The following BRD7 variants were observed in gnomAD, a reference collection of about 807,000 sequenced individuals.
BRD7 encodes bromodomain-containing protein 7.
BRD7 carries 15 observed loss-of-function variants against 82.1 expected under a neutral mutation model. That is an observed-to-expected ratio of 0.18 (90% CI 0.12 to 0.28). The LOEUF (loss-of-function observed/expected upper bound fraction) is 0.28. Ranked by LOEUF, BRD7 falls within the 10% of genes least tolerant of loss-of-function variation. The pLI is 1.00. For synonymous variants in BRD7, 232 were observed against 266.9 expected, an observed-to-expected ratio of 0.87 and a Z score of 1.27; for missense variants, 638 against 779.9, an observed-to-expected ratio of 0.82 and a Z score of 2.17.
rs1333547428 is a variant in BRD7 at position 50,333,715 on chromosome 16, T to C, written c.888-18A>G. 4 of 1,354,686 alleles carry C rather than the reference T, an allele frequency of 3.0e-6. No homozygotes were observed. The South Asian group carries it at 5.1e-5, about 17-fold the overall frequency. The allele number at this position is 1,354,686 out of a possible 1,614,324, so 83.9% of individuals were successfully genotyped here. ...TGTCTTTCCTGAAAATATACATTAA[T>C]ACTAAGTAAAAAAAAAACAAAGATA... On this transcript the variant is annotated intron_variant, in intron 7 of 16. Coordinates refer to ENST00000394688, the MANE Select transcript of BRD7 (RefSeq NM_013263.5).
At chr16:50,360,486 C>T (rs2038896979) in intron 2 of BRD7, among the ~76,000 whole-genome samples, 1 of 152,196 alleles carries the variant, frequency 6.6e-6, no homozygotes, top group Non-Finnish European at 1.5e-5. Context: ...AGGCTGAAAA[C>T]AGCATTTGCT....
At chr16:50,352,060 C>G (rs1353700011) in intron 4 of BRD7, among the ~76,000 whole-genome samples, 1 of 152,186 alleles carries the variant, frequency 6.6e-6, no homozygotes, top group Non-Finnish European at 1.5e-5. Context: ...TACCTGCTGA[C>G]CAACCTCTAC....
intron 13 of BRD7, among the ~76,000 whole-genome samples, chr16:50,321,152 C>T (rs984774898): frequency 7.2e-5 from 11 of 152,194 alleles, no homozygotes; most frequent in Admixed American, 7.2e-4. Context: ...AAGACTATTT[C>T]ATATTTCAGT....
At chr16:50,337,987 G>A (rs183091341) in intron 6 of BRD7, among the ~76,000 whole-genome samples, 7 of 152,160 alleles carry the variant, frequency 4.6e-5, no homozygotes, top group Admixed American at 4.6e-4. Context: ...TAAAATTCAA[G>A]AGATAATGGA....
Position 50,319,020 on chromosome 16 carries a change from C to T in BRD7, c.*191G>A. The T allele has an allele frequency of 1.7e-6, 1 of 583,412 alleles. No individual in the cohort carries two copies. 36.1% of individuals were successfully genotyped at this position (583,412 alleles called of 1,614,324 possible). On this transcript the variant is annotated 3_prime_UTR_variant, in exon 17 of 17. Transcript: ENST00000394688. Reference sequence around the variant, plus strand: ...ACAGGTATGGCAACAGCCCCAAGCACATTCCTTCCTCACGAGTCCCAGGTC... The same window carrying T: ...ACAGGTATGGCAACAGCCCCAAGCATATTCCTTCCTCACGAGTCCCAGGTC...
intron 6 of BRD7, among the ~76,000 whole-genome samples, chr16:50,338,675 T>C (rs2037919187): frequency 6.6e-6 from 1 of 152,210 alleles, no homozygotes; most frequent in African/African-American, 2.4e-5. Flanking sequence ...TAGTATCCTC[T>C]CTACTCTACC....
intron 2 of BRD7, among the ~76,000 whole-genome samples, chr16:50,364,951 G>C (rs1194839424): frequency 6.6e-6 from 1 of 152,194 alleles, no homozygotes; most frequent in African/African-American, 2.4e-5. Flanking sequence ...ACGATGGCCG[G>C]AACAAAGAGC....
Position 50,357,603 on chromosome 16 carries a change from C to T in BRD7, c.259-2681G>A, listed in dbSNP as rs562665517. On this transcript the variant is annotated intron_variant, in intron 2 of 16. Coordinates refer to ENST00000394688, the MANE Select transcript of BRD7 (RefSeq NM_013263.5). ...TGTGAAGAAAGGACAGCTTGAGAGGCAGTATGCATTCTCCCAGGTAGAAAA... is the reference window on the plus strand; with the variant it reads ...TGTGAAGAAAGGACAGCTTGAGAGGTAGTATGCATTCTCCCAGGTAGAAAA... Among the ~76,000 whole-genome samples, 4 of 152,190 alleles carry T rather than the reference C, an allele frequency of 2.6e-5. No individual in the cohort carries two copies. The East Asian group carries it at 7.7e-4, about 29-fold the overall frequency.
Position 50,368,787 on chromosome 16 carries a change from C to T in BRD7, c.-13G>A. On this transcript the variant is annotated 5_prime_UTR_variant, in exon 1 of 17. Transcript: ENST00000394688. ...GCTTCTTGCCCATGTCCGACCGGGC[C>T]CCGGTGCCCGCCCCCCGCGCCAGGC... 6.5e-7 allele frequency: 1 copy of T among 1,526,776 alleles called. No homozygotes were observed. Among genetic ancestry groups the T allele is most frequent in the African/African-American group, 1.4e-5 (1 of 69,196 alleles). 94.6% of individuals were successfully genotyped at this position (1,526,776 alleles called of 1,614,324 possible).
intron 4 of BRD7, 90 bp downstream of exon 4, chr16:50,354,335 T>C (rs1663510127): frequency 1.9e-6 from 2 of 1,079,854 alleles, no homozygotes; most frequent in African/African-American, 3.2e-5. Flanking sequence ...TAAAATCACG[T>C]ATGTTTGGAG....
chr16:50,324,168 C>T (rs1050613002), intron 11 of BRD7, among the ~76,000 whole-genome samples: 11 of 152,138 alleles, frequency 7.2e-5, no homozygotes, highest in Admixed American at 4.6e-4. Context: ...TCCCCCTTCT[C>T]GGTAAATAGC....
At chr16:50,368,004 C>G in intron 2 of BRD7, 86 bp downstream of exon 2, 121 of 1,198,826 alleles carry the variant, frequency 1.0e-4, no homozygotes, top group Middle Eastern at 4.1e-4. Flanking sequence ...CGTTTGTTTT[C>G]CCCAGATACA....
In BRD7 at chr16:50,368,744, C is replaced by G. The variant is rs754677297; in HGVS notation, c.31G>C (p.Asp11His). 13 of 1,555,108 alleles carry G rather than the reference C, an allele frequency of 8.4e-6. No individual in the cohort carries two copies. The Admixed American group carries it at 9.4e-5, about 11-fold the overall frequency. ...TCCTCACCCTCGTAGAGGTGTTTGT[C>G]CGACTTGTGCTTCTTGTGCTTCTTG... MGKKHKKHKS[D>H]KHLYEEYVEK... Residue 11 changes from aspartate (D) to histidine (H), a missense_variant, in exon 1 of 17, where the codon GAC (aspartate) becomes CAC (histidine). This residue lies in a region of BRD7 where 172 missense variants were observed against 155.3 expected (regional missense o/e 1.11). Transcript: ENST00000394688.
chr16:50,350,268 G>A (rs983402888), intron 4 of BRD7, 101 bp from the exon 5 acceptor site: 1 of 811,320 alleles, frequency 1.2e-6, no homozygotes, highest in Non-Finnish European at 1.7e-6. Flanking sequence ...GATGCAGAAA[G>A]AATTTGTAAT....
chr16:50,337,256 C>CTTTTTTT (rs71138063), intron 6 of BRD7, among the ~76,000 whole-genome samples: 28 of 93,228 alleles, frequency 3.0e-4, no homozygotes, highest in Non-Finnish European at 4.2e-4. Context: ...GTTCATTCTT[C>CTTTTTTT]TTTTTTTTTT....
chr16:50,349,931 C>T, intron 5 of BRD7, 92 bp downstream of exon 5: 1 of 1,205,262 alleles, frequency 8.3e-7, no homozygotes, highest in South Asian at 2.0e-5. Context: ...AAACTCAATT[C>T]TTTGCAAAAT....
At chr16:50,341,809 G>A (rs547337473) in intron 5 of BRD7, among the ~76,000 whole-genome samples, 1 of 151,514 alleles carries the variant, frequency 6.6e-6, no homozygotes, top group East Asian at 1.9e-4. Flanking sequence ...AATGAACACA[G>A]GACTGATCTA....
At chr16:50,326,455 C>A in intron 9 of BRD7, 64 bp from the exon 10 acceptor site, 1 of 1,131,818 alleles carries the variant, frequency 8.8e-7, no homozygotes, top group African/African-American at 1.6e-5. Flanking sequence ...GGGCCCTCTG[C>A]CGAGTGACTC....
At chr16:50,359,199 GGAA>G (rs1404073023) in intron 2 of BRD7, among the ~76,000 whole-genome samples, 1 of 152,214 alleles carries the variant, frequency 6.6e-6, no homozygotes, top group Non-Finnish European at 1.5e-5. Flanking sequence ...AGGTAGTTAA[GGAA>G]GAAGAGTTTA....
Sources: gnomAD v4.1 joint callset for allele counts (sites outside exome capture counted in the v4.1 genomes callset) on GRCh38, gnomAD v4.1.1 for gene constraint, gnomAD v4.1.1 regional missense constraint, MANE v1.5 for transcripts, NCBI Gene and HGNC (gene_info 2026-07-23, HGNC 2026-07-21) for gene names.